TAFA2: variants seen among roughly 807,000 people sequenced by gnomAD.
The protein encoded by TAFA2 is TAFA chemokine like family member 2.
In TAFA2, 7 loss-of-function variants were observed where a neutral mutation model predicts 18.8. That is an observed-to-expected ratio of 0.37 (90% CI 0.21 to 0.70). The LOEUF (loss-of-function observed/expected upper bound fraction) is 0.70. Ranked by LOEUF, TAFA2 falls within the 30% of genes least tolerant of loss-of-function variation. TAFA2 has a pLI of 0.53. For synonymous variants in TAFA2, 60 were observed against 54.2 expected, an observed-to-expected ratio of 1.11 and a Z score of -0.47; for missense variants, 122 against 158.1, an observed-to-expected ratio of 0.77 and a Z score of 1.23.
At chr12:62,256,060 G>A (rs1026519899) in intron 1 of TAFA2, among the ~76,000 whole-genome samples, 30 of 151,896 alleles carry the variant, frequency 2.0e-4, no homozygotes, top group Non-Finnish European at 1.2e-4. Flanking sequence ...CCAGAGGTCG[G>A]GAGTTTGAGA....
intron 1 of TAFA2, among the ~76,000 whole-genome samples, chr12:62,198,721 G>A (rs886114896): frequency 3.3e-5 from 5 of 152,092 alleles, no homozygotes; most frequent in African/African-American, 1.2e-4. Flanking sequence ...CAAGTGAATG[G>A]AAGGAAGCAC....
At chr12:61,782,881 A>G (rs892417052) in intron 2 of TAFA2, among the ~76,000 whole-genome samples, 2 of 151,802 alleles carry the variant, frequency 1.3e-5, no homozygotes, top group African/African-American at 4.8e-5. Context: ...TTGTTAAAAT[A>G]TTTAGTAAAG....
intron 2 of TAFA2, among the ~76,000 whole-genome samples, chr12:61,849,659 T>G (rs1873559814): frequency 6.6e-6 from 1 of 152,190 alleles, no homozygotes; most frequent in Admixed American, 6.5e-5. Context: ...TTATGAGAAT[T>G]GTCAAACAGT....
intron 1 of TAFA2, among the ~76,000 whole-genome samples, chr12:62,200,536 T>C (rs1388139784): frequency 6.6e-6 from 1 of 152,204 alleles, no homozygotes; most frequent in African/African-American, 2.4e-5. Flanking sequence ...CTCATTTTTG[T>C]CAGATTTGTC....
intron 1 of TAFA2, among the ~76,000 whole-genome samples, chr12:62,046,537 T>C (rs1413528944): frequency 6.6e-6 from 1 of 152,146 alleles, no homozygotes; most frequent in African/African-American, 2.4e-5. Context: ...TAAATGAAGC[T>C]TTAAATGCCC....
intron 1 of TAFA2, among the ~76,000 whole-genome samples, chr12:61,895,583 C>A (rs1005270193): frequency 1.3e-5 from 2 of 152,162 alleles, no homozygotes; most frequent in Non-Finnish European, 2.9e-5. Context: ...TTCACAAAGA[C>A]CCATGTTCCC....
intron 1 of TAFA2, among the ~76,000 whole-genome samples, chr12:62,117,926 C>T (rs142955620): frequency 1.3e-5 from 2 of 152,062 alleles, no homozygotes; most frequent in East Asian, 1.9e-4. Flanking sequence ...AATAATAATC[C>T]GTGGCTTATA....
At chr12:62,171,692 C>G (rs2062479073) in intron 1 of TAFA2, among the ~76,000 whole-genome samples, 1 of 152,178 alleles carries the variant, frequency 6.6e-6, no homozygotes, top group South Asian at 2.1e-4. Context: ...TGATCTTGAA[C>G]TTCCCAGCGT....
chr12:61,836,828 C>T (rs1387241526), intron 2 of TAFA2, among the ~76,000 whole-genome samples: 1 of 147,380 alleles, frequency 6.8e-6, no homozygotes, highest in African/African-American at 2.5e-5. Flanking sequence ...TGAAATTGAA[C>T]CAGTGTTTAC....
intron 1 of TAFA2, among the ~76,000 whole-genome samples, chr12:61,883,488 A>G (rs1875239120): frequency 6.6e-6 from 1 of 152,204 alleles, no homozygotes. Context: ...TATTTTATGC[A>G]AGGCCCCACA....
intron 1 of TAFA2, among the ~76,000 whole-genome samples, chr12:62,151,277 G>A (rs760461576): frequency 6.0e-5 from 9 of 149,104 alleles, no homozygotes; most frequent in South Asian, 4.1e-4. Flanking sequence ...CCTCTAAGAA[G>A]CAGAATGCAG....
At chr12:62,027,893 G>T (rs992293332) in intron 1 of TAFA2, among the ~76,000 whole-genome samples, 2 of 152,008 alleles carry the variant, frequency 1.3e-5, no homozygotes, top group African/African-American at 4.8e-5. Context: ...AATCCTTCGG[G>T]GAACCACAAG....
intron 1 of TAFA2, among the ~76,000 whole-genome samples, chr12:62,055,605 T>C (rs1414366723): frequency 1.3e-5 from 2 of 152,172 alleles, no homozygotes; most frequent in Non-Finnish European, 2.9e-5. Flanking sequence ...TATACCTAAA[T>C]AATTTCTAAT....
chr12:61,907,278 G>A (rs1876399086), intron 1 of TAFA2, among the ~76,000 whole-genome samples: 1 of 152,184 alleles, frequency 6.6e-6, no homozygotes, highest in Non-Finnish European at 1.5e-5. Flanking sequence ...TGTGGGCTGG[G>A]CCCAGTGCCC....
chr12:61,995,270 A>G (rs182653827), intron 1 of TAFA2, among the ~76,000 whole-genome samples: 2 of 152,268 alleles, frequency 1.3e-5, no homozygotes, highest in East Asian at 3.9e-4. Flanking sequence ...GTTATTTCCC[A>G]TATCAGAGCC....
chr12:61,861,661 G>A (rs924092484), intron 2 of TAFA2, among the ~76,000 whole-genome samples: 1 of 152,018 alleles, frequency 6.6e-6, no homozygotes, highest in Non-Finnish European at 1.5e-5. Flanking sequence ...ACTATCAAAT[G>A]AATCAACAAA....
chr12:61,994,108 G>T (rs1228152732), intron 1 of TAFA2, among the ~76,000 whole-genome samples: 5 of 151,964 alleles, frequency 3.3e-5, no homozygotes, highest in African/African-American at 9.7e-5. Flanking sequence ...TCTATCCTTT[G>T]TCCCCTTTCA....
intron 1 of TAFA2, among the ~76,000 whole-genome samples, chr12:61,890,907 A>T (rs1183045928): frequency 6.6e-6 from 1 of 152,192 alleles, no homozygotes; most frequent in Non-Finnish European, 1.5e-5. Flanking sequence ...GGCAGTGGAA[A>T]TATTTTCATT....
chr12:61,823,741 T>A (rs1872416964), intron 2 of TAFA2, among the ~76,000 whole-genome samples: 1 of 152,080 alleles, frequency 6.6e-6, no homozygotes, highest in African/African-American at 2.4e-5. Context: ...AATGTCTATA[T>A]CCTATCAGTG....
Sources: allele counts gnomAD v4.1 joint callset (sites outside exome capture counted in the v4.1 genomes callset), GRCh38; gene constraint gnomAD v4.1.1; transcripts MANE v1.5; gene names NCBI Gene and HGNC (gene_info 2026-07-23, HGNC 2026-07-21).